ESRRG: variants seen among roughly 807,000 people sequenced by gnomAD.
ESRRG encodes the protein estrogen related receptor gamma, also known as estrogen-related receptor gamma.
In ESRRG, 13 loss-of-function variants were observed where a neutral mutation model predicts 44.0. The observed-to-expected ratio is 0.30, with a 90% CI of 0.19 to 0.47. The LOEUF (loss-of-function observed/expected upper bound fraction) is 0.47, where lower values mean the gene tolerates loss of function less well. Ranked by LOEUF, ESRRG falls within the 20% of genes least tolerant of loss-of-function variation. ESRRG has a pLI of 1.00. For missense variants in ESRRG, 395 were observed against 580.6 expected, an observed-to-expected ratio of 0.68 and a Z score of 3.29; for synonymous variants, 215 against 214.6, an observed-to-expected ratio of 1.00 and a Z score of -0.02.
At chr1:216,647,975 C>G (rs553063238) in intron 3 of ESRRG, among the ~76,000 whole-genome samples, 1 of 152,250 alleles carries the variant, frequency 6.6e-6, no homozygotes, top group Admixed American at 6.5e-5. Context: ...TGCCATCAGC[C>G]TGTATGGACT....
intron 5 of ESRRG, among the ~76,000 whole-genome samples, chr1:216,561,733 G>A (rs2058782076): frequency 6.6e-6 from 1 of 151,886 alleles, no homozygotes; most frequent in Admixed American, 6.6e-5. Context: ...GTTAACTCTT[G>A]TTTTGCTAAT....
chr1:216,665,020 C>A (rs1436906888), intron 2 of ESRRG, among the ~76,000 whole-genome samples: 1 of 152,146 alleles, frequency 6.6e-6, no homozygotes, highest in East Asian at 1.9e-4. Context: ...GTGGTCTATC[C>A]ATACAGTGGA....
chr1:216,756,053 T>A (rs2092424189), intron 2 of ESRRG, among the ~76,000 whole-genome samples: 1 of 152,056 alleles, frequency 6.6e-6, no homozygotes, highest in South Asian at 2.1e-4. Flanking sequence ...GTACCCCAGA[T>A]AAATCTAGCT....
chr1:216,909,307 T>C (rs2060048974), intron 2 of ESRRG, among the ~76,000 whole-genome samples: 1 of 152,146 alleles, frequency 6.6e-6, no homozygotes. Flanking sequence ...CCAAGACCTC[T>C]ACAGCCCTCC....
chr1:216,960,810 T>G (rs1188680761), intron 1 of ESRRG, among the ~76,000 whole-genome samples: 2 of 152,082 alleles, frequency 1.3e-5, no homozygotes, highest in Non-Finnish European at 2.9e-5. Flanking sequence ...AGGCAGGTCT[T>G]GAACTCCTGG....
chr1:217,028,828 C>T (rs946423933), intron 1 of ESRRG, among the ~76,000 whole-genome samples: 4 of 152,162 alleles, frequency 2.6e-5, no homozygotes, highest in Non-Finnish European at 4.4e-5. Flanking sequence ...CTGCCTTGTA[C>T]TTGCATTGAA....
At chr1:216,732,008 T>C (rs1441292349) in intron 2 of ESRRG, among the ~76,000 whole-genome samples, 1 of 152,152 alleles carries the variant, frequency 6.6e-6, no homozygotes, top group Non-Finnish European at 1.5e-5. Context: ...AAAGAAATTT[T>C]TTTTTAATTT....
intron 2 of ESRRG, among the ~76,000 whole-genome samples, chr1:216,812,624 A>G (rs917063007): frequency 6.6e-6 from 1 of 152,212 alleles, no homozygotes; most frequent in African/African-American, 2.4e-5. Flanking sequence ...TTTCTTTCTT[A>G]GAAATAAATT....
chr1:217,098,642 G>A (rs1199505930), intron 1 of ESRRG, among the ~76,000 whole-genome samples: 1 of 152,280 alleles, frequency 6.6e-6, no homozygotes, highest in East Asian at 1.9e-4. Flanking sequence ...AGAAAAGGAG[G>A]GTGGAAGGGA....
intron 2 of ESRRG, among the ~76,000 whole-genome samples, chr1:216,925,693 G>C (rs1234396323): frequency 6.6e-6 from 1 of 151,658 alleles, no homozygotes; most frequent in Non-Finnish European, 1.5e-5. Flanking sequence ...GCTCACTCCT[G>C]TAATTCCAGC....
chr1:216,724,413 AT>A (rs1422655442), upstream of ESRRG, among the ~76,000 whole-genome samples: 1 of 149,750 alleles, frequency 6.7e-6, no homozygotes, highest in Non-Finnish European at 1.5e-5. Flanking sequence ...CACTAAAAGT[AT>A]TCTTAATTAT....
At position 216,968,701 on chromosome 1, in the gene ESRRG, C is replaced by CTTTT. The variant is rs3072232; in HGVS notation, c.-105-29032_-105-29029dup. Among the ~76,000 whole-genome samples, 441 of 141,878 alleles carry CTTTT rather than the reference C, an allele frequency of 3.1e-3. 3 individuals carry two copies. The highest frequency in any genetic ancestry group is 0.011 in the African/African-American group (421 of 38,276). 93.1% of individuals were successfully genotyped at this position (141,878 alleles called of 152,430 possible). ...CATTCTTGTGTTGACTAGTATGGGTCTTTTTTTTTTTTTGTCTCTATAAAT... is the reference window on the plus strand; with the variant it reads ...CATTCTTGTGTTGACTAGTATGGGTCTTTTTTTTTTTTTTTTTGTCTCTATAAAT... On this transcript the variant is annotated intron_variant, in intron 1 of 7. Coordinates refer to the ESRRG transcript ENST00000359162.
rs376082488 is a variant in ESRRG, at chr1:216,523,070, C to T, written c.863-3649G>A. ...TGGGACCTTAATCTTTGGTGTGTGA[C>T]AGGTTATAGTTTTAAATGTTCAGCC... On this transcript the variant is annotated intron_variant, in intron 5 of 6. Coordinates refer to ENST00000408911, the MANE Select transcript of ESRRG (RefSeq NM_001438.4). Among the ~76,000 whole-genome samples the T allele has an allele frequency of 2.6e-4, 39 of 152,212 alleles. No individual in the cohort carries two copies. The South Asian group carries it at 7.2e-3, about 28-fold the overall frequency.
At chr1:216,844,352 A>G (rs1050405083) in intron 2 of ESRRG, among the ~76,000 whole-genome samples, 1 of 152,160 alleles carries the variant, frequency 6.6e-6, no homozygotes, top group Non-Finnish European at 1.5e-5. Flanking sequence ...ATCTCCATTA[A>G]GTCCCTCAGC....
intron 1 of ESRRG, among the ~76,000 whole-genome samples, chr1:216,975,162 A>G (rs1157849790): frequency 2.0e-5 from 3 of 152,188 alleles, no homozygotes; most frequent in Admixed American, 6.6e-5. Flanking sequence ...TTACCCTTAC[A>G]GACATTTTTA....
intron 2 of ESRRG, among the ~76,000 whole-genome samples, chr1:216,743,974 AGATTT>A (rs1248267743): frequency 6.6e-6 from 1 of 152,180 alleles, no homozygotes; most frequent in African/African-American, 2.4e-5. Flanking sequence ...ATTAGGTACC[AGATTT>A]TACTTGTGAT....
At chr1:216,885,079 C>A (rs1240267862) in intron 2 of ESRRG, among the ~76,000 whole-genome samples, 3 of 151,936 alleles carry the variant, frequency 2.0e-5, no homozygotes, top group Admixed American at 6.6e-5. Context: ...CCAACTATTC[C>A]AAGTAGGAGG....
chr1:216,559,651 T>C (rs773676419), intron 5 of ESRRG, among the ~76,000 whole-genome samples: 2 of 152,200 alleles, frequency 1.3e-5, no homozygotes, highest in African/African-American at 2.4e-5. Flanking sequence ...ATTAAATTAT[T>C]TTTGCCACAT....
At chr1:217,051,281 T>C (rs570472407) in intron 1 of ESRRG, among the ~76,000 whole-genome samples, 225 of 150,890 alleles carry the variant, frequency 1.5e-3, no homozygotes, top group Middle Eastern at 3.5e-3. Flanking sequence ...CCTTTAGGTA[T>C]TATCCTGAAG....
Sources: allele counts gnomAD v4.1 joint callset (sites outside exome capture counted in the v4.1 genomes callset), GRCh38; gene constraint gnomAD v4.1.1; transcripts MANE v1.5; gene names NCBI Gene and HGNC (gene_info 2026-07-23, HGNC 2026-07-21).